Variants in MATN2 observed in about 807,000 individuals in gnomAD.
MATN2 encodes the protein matrilin 2.
MATN2 carries 69 observed loss-of-function variants against 103.2 expected under a neutral mutation model. The observed-to-expected ratio is 0.67, with a 90% CI of 0.55 to 0.82. The LOEUF (loss-of-function observed/expected upper bound fraction) is 0.82, where lower values mean the gene tolerates loss of function less well. Ranked by LOEUF, MATN2 falls within the 40% of genes least tolerant of loss-of-function variation. MATN2 has a pLI of 0.00. For synonymous variants in MATN2, 429 were observed against 450.2 expected (o/e 0.95, Z 0.60); for missense variants, 1,023 against 1,211.5 (o/e 0.84, Z 2.31).
chr8:97,974,653 G>A (rs1318744509), intron 5 of MATN2, among the ~76,000 whole-genome samples: 2 of 151,860 alleles, frequency 1.3e-5, no homozygotes, highest in Non-Finnish European at 2.9e-5. Context: ...CACCATGTTG[G>A]CCAGGCTGGT....
chr8:97,906,371 T>C (rs1586398809), intron 2 of MATN2, among the ~76,000 whole-genome samples: 1 of 152,142 alleles, frequency 6.6e-6, no homozygotes, highest in East Asian at 1.9e-4. Context: ...AGCTCAGAGA[T>C]ATTGTCACAT....
At chr8:97,933,760 G>A (rs537952577) in intron 3 of MATN2, among the ~76,000 whole-genome samples, 2 of 152,256 alleles carry the variant, frequency 1.3e-5, no homozygotes, top group East Asian at 3.9e-4. Flanking sequence ...CCACTCTGCA[G>A]GAGACAGGGC....
At chr8:97,968,194 G>GC (rs1265648803) in intron 5 of MATN2, among the ~76,000 whole-genome samples, 2 of 152,322 alleles carry the variant, frequency 1.3e-5, no homozygotes, top group East Asian at 3.9e-4. Context: ...CCTGGACCTG[G>GC]CCCCCCAAAT....
At chr8:97,894,619 G>C (rs1818746921) in intron 2 of MATN2, among the ~76,000 whole-genome samples, 1 of 151,978 alleles carries the variant, frequency 6.6e-6, no homozygotes, top group Admixed American at 6.6e-5. Flanking sequence ...ATTCCTCCTG[G>C]CAGAATTCAC....
chr8:98,035,040 G>A (rs910759471), intron 18 of MATN2, among the ~76,000 whole-genome samples: 1 of 151,870 alleles, frequency 6.6e-6, no homozygotes, highest in Non-Finnish European at 1.5e-5. Flanking sequence ...GCAACATACT[G>A]AGGCCTTGTC....
At chr8:98,021,072 A>G in intron 12 of MATN2, 133 bp from the exon 13 acceptor site, 1 of 810,024 alleles carries the variant, frequency 1.2e-6, no homozygotes, top group Non-Finnish European at 1.9e-6. Flanking sequence ...TGCAAAAGAC[A>G]TTATGAAGGA....
intron 12 of MATN2, 53 bp from the exon 13 acceptor site, chr8:98,021,152 T>C (rs1813575779): frequency 6.3e-7 from 1 of 1,581,756 alleles, no homozygotes; most frequent in Non-Finnish European, 8.6e-7. Flanking sequence ...GACTATTCAA[T>C]TCACCTCATT....
intron 12 of MATN2, 109 bp from the exon 13 acceptor site, chr8:98,021,096 G>A: frequency 9.7e-7 from 1 of 1,027,692 alleles, no homozygotes; most frequent in East Asian, 2.7e-5. Context: ...TTGAAGAGAG[G>A]TGTATTTTCT....
chr8:97,984,883 T>G (rs776264900), intron 6 of MATN2, among the ~76,000 whole-genome samples: 12 of 152,062 alleles, frequency 7.9e-5, no homozygotes, highest in Non-Finnish European at 1.8e-4. Flanking sequence ...ATACTACAGG[T>G]CTCAACAGCA....
At chr8:97,945,032 G>A (rs1001773332) in intron 4 of MATN2, among the ~76,000 whole-genome samples, 6 of 152,144 alleles carry the variant, frequency 3.9e-5, no homozygotes, top group South Asian at 2.1e-4. Flanking sequence ...AATGTGCCAG[G>A]CAGCATGCAA....
chr8:97,923,820 G>A (rs183470460), intron 2 of MATN2, among the ~76,000 whole-genome samples: 1 of 152,302 alleles, frequency 6.6e-6, no homozygotes, highest in East Asian at 1.9e-4. Context: ...GCCTCCCAAA[G>A]TGCGGGGATT....
At chr8:98,024,646 C>G (rs1286918932) in intron 13 of MATN2, among the ~76,000 whole-genome samples, 1 of 152,214 alleles carries the variant, frequency 6.6e-6, no homozygotes, top group East Asian at 1.9e-4. Flanking sequence ...GCCGAATGGT[C>G]ACTGGGTGAG....
At chr8:97,987,670 T>C (rs1182536787) in intron 6 of MATN2, among the ~76,000 whole-genome samples, 1 of 152,176 alleles carries the variant, frequency 6.6e-6, no homozygotes, top group Non-Finnish European at 1.5e-5. Context: ...CTCTTACAAA[T>C]TTCATGAAGC....
intron 2 of MATN2, among the ~76,000 whole-genome samples, chr8:97,889,471 A>C (rs1204343467): frequency 2.2e-5 from 3 of 137,908 alleles, no homozygotes; most frequent in African/African-American, 2.5e-5. Flanking sequence ...ATATATATAT[A>C]TATATATATA....
chr8:98,035,594 C>A, intron 18 of MATN2, 63 bp from the exon 19 acceptor site: 2 of 1,029,150 alleles, frequency 1.9e-6, no homozygotes, highest in South Asian at 3.3e-5. Context: ...GTGGATAAAT[C>A]AAGTTATATT....
At chr8:98,000,471 C>T (rs1175818297) in intron 7 of MATN2, among the ~76,000 whole-genome samples, 1 of 151,674 alleles carries the variant, frequency 6.6e-6, no homozygotes, top group Non-Finnish European at 1.5e-5. Context: ...GTAGCGGGCA[C>T]CTGTAGTCCC....
intron 14 of MATN2, among the ~76,000 whole-genome samples, chr8:98,028,130 C>T (rs967546979): frequency 2.0e-5 from 3 of 152,172 alleles, no homozygotes; most frequent in Admixed American, 1.3e-4. Flanking sequence ...TAAGAATCGC[C>T]TAGATATACA....
In MATN2 at chr8:98,007,349, GATAGTGAGGATGTCC is replaced by G; in HGVS notation, c.1450+124_1451-114del. 13 of 1,552,260 alleles carry G rather than the reference GATAGTGAGGATGTCC, an allele frequency of 8.4e-6. No homozygotes were observed. The highest frequency in any genetic ancestry group is 1.1e-5 in the Non-Finnish European group (13 of 1,137,486). On this transcript the variant is annotated intron_variant, in intron 9 of 18. Transcript: ENST00000254898. This position sits in a 1 kb window ranked among gnomAD's most constrained non-coding sequence, Gnocchi z 4.2. ...CCCTGCCCCTTGCTCTGCTCCAGGA[GATAGTGAGGATGTCC>G]ACTGGGACTGCATGCCTTCGAGGGA...
At chr8:97,932,827 A>G (rs1563676293) in intron 3 of MATN2, among the ~76,000 whole-genome samples, 1 of 152,256 alleles carries the variant, frequency 6.6e-6, no homozygotes, top group Non-Finnish European at 1.5e-5. Context: ...AAATAAAGGG[A>G]AATAATCTAT....
Sources: gnomAD v4.1 joint callset for allele counts (sites outside exome capture counted in the v4.1 genomes callset) on GRCh38, gnomAD v4.1.1 for gene constraint, Gnocchi (gnomAD v3.1) non-coding constraint, MANE v1.5 for transcripts, NCBI Gene and HGNC (gene_info 2026-07-23, HGNC 2026-07-21) for gene names.